CFAP299: variants seen among roughly 807,000 people sequenced by gnomAD.
CFAP299 encodes cilia and flagella associated protein 299.
In CFAP299, 21 loss-of-function variants were observed where a neutral mutation model predicts 27.0. The observed-to-expected ratio is 0.78, with a 90% CI of 0.55 to 1.12. The LOEUF is 1.12. Ranked by LOEUF, CFAP299 falls within the 50% of genes most tolerant of loss-of-function variation. CFAP299 has a pLI of 0.00. For synonymous variants in CFAP299, 104 were observed against 98.1 expected (o/e 1.06, Z -0.36); for missense variants, 310 against 276.6 (o/e 1.12, Z -0.86).
At chr4:80,564,465 G>T (rs999869866) in intron 2 of CFAP299, among the ~76,000 whole-genome samples, 12 of 151,956 alleles carry the variant, frequency 7.9e-5, no homozygotes, top group African/African-American at 2.9e-4. Flanking sequence ...AAGAGTATTT[G>T]ATATAATTCA....
intron 2 of CFAP299, among the ~76,000 whole-genome samples, chr4:80,528,879 A>G (rs1560609443): frequency 6.6e-6 from 1 of 152,070 alleles, no homozygotes; most frequent in African/African-American, 2.4e-5. Flanking sequence ...ATCTCTTACC[A>G]ATTTATTTTT....
chr4:80,776,234 G>C (rs1279141244), intron 3 of CFAP299, among the ~76,000 whole-genome samples: 3 of 152,058 alleles, frequency 2.0e-5, no homozygotes, highest in Non-Finnish European at 4.4e-5. Context: ...AATTATTTTA[G>C]AACTTTGCCA....
intron 3 of CFAP299, chr4:80,639,641 G>A (rs928735723): frequency 5.9e-5 from 9 of 152,714 alleles, no homozygotes; most frequent in Admixed American, 4.6e-4. Context: ...CTGAGGACTA[G>A]GGGAGGGAAG....
rs1735192667 is a variant in CFAP299 at position 80,564,596 on chromosome 4, C to T, written c.243-18497C>T. On this transcript the variant is annotated intron_variant, in intron 2 of 5. Transcript: ENST00000358105. Reference sequence around the variant, plus strand: ...CATACTAAATGGAGAGAAACTGAAACTCTAAGATCTGGAATGTGACAAGAA... The same window carrying T: ...CATACTAAATGGAGAGAAACTGAAATTCTAAGATCTGGAATGTGACAAGAA... Among the ~76,000 whole-genome samples the T allele has an allele frequency of 2.0e-5, 3 of 148,146 alleles. No individual in the cohort carries two copies. In the South Asian group the frequency reaches 6.8e-4, roughly 34 times the overall value.
intron 3 of CFAP299, among the ~76,000 whole-genome samples, chr4:80,778,581 C>T (rs1175810501): frequency 1.3e-5 from 2 of 151,976 alleles, no homozygotes; most frequent in Non-Finnish European, 2.9e-5. Flanking sequence ...ACTGCTGGTA[C>T]AAATTACTTT....
chr4:80,807,194 T>C lies in CFAP299; in HGVS notation c.334-62799T>C, dbSNP rs139681418. On this transcript the variant is annotated intron_variant, in intron 3 of 5. Coordinates refer to ENST00000358105, the MANE Select transcript of CFAP299 (RefSeq NM_152770.3). ...AAAGAAGTTCAAATATAAAAACTTATTTAGGAAATGTATAATAAGGGTGAT... is the reference window on the plus strand; with the variant it reads ...AAAGAAGTTCAAATATAAAAACTTACTTAGGAAATGTATAATAAGGGTGAT... Among the ~76,000 whole-genome samples the C allele has an allele frequency of 1.5e-4, 23 of 152,258 alleles. No homozygotes were observed. In the East Asian group the frequency reaches 4.4e-3, roughly 29 times the overall value.
chr4:80,513,949 G>A (rs948947892), intron 2 of CFAP299, among the ~76,000 whole-genome samples: 2 of 152,028 alleles, frequency 1.3e-5, no homozygotes, highest in Non-Finnish European at 2.9e-5. Context: ...GAGGAAAACA[G>A]ACAATATGGA....
At chr4:80,516,769 A>T (rs1732611249) in intron 2 of CFAP299, among the ~76,000 whole-genome samples, 1 of 152,152 alleles carries the variant, frequency 6.6e-6, no homozygotes, top group Non-Finnish European at 1.5e-5. Flanking sequence ...GACCCTCAAG[A>T]AAGTAGTTGC....
intron 2 of CFAP299, among the ~76,000 whole-genome samples, chr4:80,446,748 T>G (rs1379060510): frequency 1.3e-5 from 2 of 152,210 alleles, no homozygotes; most frequent in African/African-American, 4.8e-5. Context: ...CCTGGTAGCA[T>G]TACAGTCTAT....
At chr4:80,604,148 A>G (rs1038102127) in intron 3 of CFAP299, among the ~76,000 whole-genome samples, 2 of 152,198 alleles carry the variant, frequency 1.3e-5, no homozygotes, top group Non-Finnish European at 1.5e-5. Flanking sequence ...AAATCAAAAG[A>G]AAACTTTAAA....
intron 3 of CFAP299, among the ~76,000 whole-genome samples, chr4:80,592,885 G>A (rs1272991491): frequency 1.3e-5 from 2 of 152,194 alleles, no homozygotes; most frequent in Admixed American, 6.5e-5. Flanking sequence ...CTATAGCACA[G>A]TTTGGATCAG....
intron 3 of CFAP299, among the ~76,000 whole-genome samples, chr4:80,713,809 C>A (rs1282206909): frequency 1.3e-5 from 2 of 152,106 alleles, no homozygotes; most frequent in African/African-American, 4.8e-5. Context: ...AAGTAATGGC[C>A]TTCAGAATAA....
chr4:80,667,108 A>G (rs935590545), intron 3 of CFAP299, among the ~76,000 whole-genome samples: 21 of 152,176 alleles, frequency 1.4e-4, no homozygotes, highest in Non-Finnish European at 4.4e-5. Context: ...TTCCCATCAC[A>G]TAAGTCACTA....
intron 2 of CFAP299, among the ~76,000 whole-genome samples, chr4:80,396,970 T>C (rs1725832893): frequency 3.9e-5 from 6 of 152,338 alleles, no homozygotes; most frequent in Admixed American, 3.3e-4. Context: ...AGCTCCTCCT[T>C]GTACCTCTGG....
intron 2 of CFAP299, among the ~76,000 whole-genome samples, chr4:80,504,789 G>A (rs1731934251): frequency 6.8e-6 from 1 of 146,762 alleles, no homozygotes; most frequent in South Asian, 2.1e-4. Context: ...GGCCTAAGAG[G>A]ACCCAGAGTG....
At chr4:80,352,982 A>G (rs1379726311) in intron 1 of CFAP299, among the ~76,000 whole-genome samples, 1 of 152,198 alleles carries the variant, frequency 6.6e-6, no homozygotes, top group African/African-American at 2.4e-5. Flanking sequence ...CTAGAAATTA[A>G]TGATAGTAGC....
chr4:80,728,902 G>T (rs1270910213), intron 3 of CFAP299, among the ~76,000 whole-genome samples: 1 of 151,972 alleles, frequency 6.6e-6, no homozygotes, highest in Admixed American at 6.6e-5. Flanking sequence ...ATCTTGCTTT[G>T]CCCTTTGCAC....
intron 3 of CFAP299, among the ~76,000 whole-genome samples, chr4:80,660,344 G>A (rs756237): frequency 0.096 from 14,624 of 152,134 alleles, 1,055 homozygotes; most frequent in East Asian, 0.22. Flanking sequence ...AAAACATAAT[G>A]TCACTTGAAA....
chr4:80,385,770 G>GTA (rs1196987750), intron 2 of CFAP299, among the ~76,000 whole-genome samples: 1 of 152,258 alleles, frequency 6.6e-6, no homozygotes, highest in Non-Finnish European at 1.5e-5. Flanking sequence ...ACTCCAAAGA[G>GTA]TTTATGGCAG....
Sources: gnomAD v4.1 joint callset for allele counts (sites outside exome capture counted in the v4.1 genomes callset) on GRCh38, gnomAD v4.1.1 for gene constraint, MANE v1.5 for transcripts, NCBI Gene and HGNC (gene_info 2026-07-23, HGNC 2026-07-21) for gene names.